The following KLC1 variants were observed in gnomAD, a reference collection of about 807,000 sequenced individuals.
The protein encoded by KLC1 is kinesin light chain 1, also known as kinesin 2 60/70kDa.
KLC1 carries 30 observed loss-of-function variants against 84.2 expected under a neutral mutation model. The observed-to-expected ratio is 0.36, with a 90% CI of 0.27 to 0.48. The LOEUF is 0.48. Ranked by LOEUF, KLC1 falls within the 20% of genes least tolerant of loss-of-function variation. KLC1 has a pLI of 0.99. For missense variants in KLC1, 499 were observed against 805.4 expected, an observed-to-expected ratio of 0.62 and a Z score of 4.60; for synonymous variants, 289 against 293.3, an observed-to-expected ratio of 0.99 and a Z score of 0.15.
chr14:103,693,757 G>T lies in KLC1; in HGVS notation c.1848+1332G>T, dbSNP rs2082256025. 7.0e-7 allele frequency: 1 copy of T among 1,432,864 alleles called. No individual in the cohort carries two copies. Among genetic ancestry groups the T allele is most frequent in the South Asian group, 1.5e-5 (1 of 68,368 alleles). 88.8% of individuals were successfully genotyped at this position (1,432,864 alleles called of 1,614,324 possible). A position where few individuals can be genotyped will look rare whatever the true frequency, so the allele number is the denominator to read the frequency against. ...ATAGTGACGTCCACCAACCTTGGAG[G>T]TGCCTTTTCAAAACACCCGGGAGGC... On this transcript the variant is annotated intron_variant, in intron 15 of 16. Coordinates refer to ENST00000334553, the MANE Select transcript of KLC1 (RefSeq NM_001394837.1). This position sits in a 1 kb window ranked among gnomAD's most constrained non-coding sequence, Gnocchi z 5.1.
intron 14 of KLC1, among the ~76,000 whole-genome samples, chr14:103,690,180 CAA>C (rs57400682): frequency 4.3e-5 from 5 of 115,116 alleles, no homozygotes; most frequent in Admixed American, 2.6e-4. Context: ...AACTTCGTCT[CAA>C]AAAAAAAAAA....
intron 3 of KLC1, 69 bp downstream of exon 3, chr14:103,657,845 C>A: frequency 8.9e-7 from 1 of 1,124,454 alleles, no homozygotes; most frequent in Non-Finnish European, 1.3e-6. Context: ...CATAGAGGTT[C>A]TGTTTGCCAT....
At chr14:103,677,021 G>A (rs1356877994) in intron 11 of KLC1, among the ~76,000 whole-genome samples, 1 of 152,200 alleles carries the variant, frequency 6.6e-6, no homozygotes, top group Non-Finnish European at 1.5e-5. Context: ...ACGGCAGCAC[G>A]TGAGCAGCAA....
At chr14:103,667,739 A>C (rs567483109) in intron 5 of KLC1, among the ~76,000 whole-genome samples, 125 of 152,378 alleles carry the variant, frequency 8.2e-4, no homozygotes, top group African/African-American at 2.9e-3. Flanking sequence ...ACAATATATT[A>C]ATACGTGGCC....
chr14:103,695,581 G>A (rs965839305), intron 15 of KLC1: 10 of 985,242 alleles, frequency 1.0e-5, no homozygotes, highest in Non-Finnish European at 1.2e-6. Context: ...AACCCAGACA[G>A]TTTCCCTTAG....
chr14:103,665,124 A>G (rs758326585), intron 5 of KLC1, among the ~76,000 whole-genome samples: 10 of 151,208 alleles, frequency 6.6e-5, no homozygotes, highest in South Asian at 2.1e-4. Context: ...TTGTTATTTC[A>G]TCATTCTTGT....
At chr14:103,685,705 T>G (rs1225897955) in intron 13 of KLC1, 28 of 1,289,384 alleles carry the variant, frequency 2.2e-5, no homozygotes, top group Non-Finnish European at 2.7e-5. Context: ...GCTTCCCTTC[T>G]CTCTCCAGTG....
intron 14 of KLC1, among the ~76,000 whole-genome samples, chr14:103,691,212 A>G (rs2082091953): frequency 7.0e-6 from 1 of 141,996 alleles, no homozygotes; most frequent in Non-Finnish European, 1.5e-5. Flanking sequence ...AGGCTGGACT[A>G]CAGTGGAGTG....
intron 1 of KLC1, among the ~76,000 whole-genome samples, chr14:103,650,095 G>A (rs1326680920): frequency 6.6e-6 from 1 of 151,886 alleles, no homozygotes; most frequent in Non-Finnish European, 1.5e-5. Context: ...GTAAATAATG[G>A]AACTTTAAAT....
chr14:103,642,750 GTAGTTTTT>G (rs1417668987), intron 1 of KLC1, among the ~76,000 whole-genome samples: 5 of 151,244 alleles, frequency 3.3e-5, no homozygotes, highest in African/African-American at 1.2e-4. Flanking sequence ...AATAAATAAT[GTAGTTTTT>G]TGGTTTTTTG....
chr14:103,681,503 A>G (rs940773456), intron 13 of KLC1, among the ~76,000 whole-genome samples: 1 of 150,994 alleles, frequency 6.6e-6, no homozygotes, highest in African/African-American at 2.4e-5. Flanking sequence ...TCTCTCGCCC[A>G]GGCTGGAGTG....
chr14:103,674,773 T>C (rs1041331287), intron 9 of KLC1, among the ~76,000 whole-genome samples: 1 of 152,186 alleles, frequency 6.6e-6, no homozygotes. Flanking sequence ...CTTAGACTAT[T>C]GTTTAATGTT....
At chr14:103,696,053 C>T in intron 15 of KLC1, 2 of 984,616 alleles carry the variant, frequency 2.0e-6, no homozygotes, top group Non-Finnish European at 2.4e-6. Flanking sequence ...CGAGAGTCAG[C>T]ACCTGTTTCT....
In KLC1 at chr14:103,701,337, A is replaced by G. The variant is rs2151924854; in HGVS notation, c.*138A>G. ...TCATTTCTCCTGCGTCTGTGTGCATAGGACATGATACTAATAACCACACGG... is the reference window on the plus strand; with the variant it reads ...TCATTTCTCCTGCGTCTGTGTGCATGGGACATGATACTAATAACCACACGG... On this transcript the variant is annotated 3_prime_UTR_variant, in exon 17 of 17. Transcript: ENST00000334553. The G allele has an allele frequency of 1.1e-6, 1 of 912,596 alleles. No individual in the cohort carries two copies. The highest frequency in any genetic ancestry group is 1.7e-6 in the Non-Finnish European group (1 of 603,420). The allele number at this position is 912,596 out of a possible 1,614,324, so 56.5% of individuals were successfully genotyped here. A position where few individuals can be genotyped will look rare whatever the true frequency, so the allele number is the denominator to read the frequency against.
At chr14:103,654,509 A>G in intron 1 of KLC1, 55 bp from the exon 2 acceptor site, 2 of 1,444,700 alleles carry the variant, frequency 1.4e-6, no homozygotes, top group Non-Finnish European at 1.9e-6. Context: ...ACTTGATGTA[A>G]CAGAAATGAA....
At chr14:103,674,290 A>G (rs1478394403) in intron 9 of KLC1, among the ~76,000 whole-genome samples, 1 of 152,162 alleles carries the variant, frequency 6.6e-6, no homozygotes, top group African/African-American at 2.4e-5. Flanking sequence ...AGTCATAAAA[A>G]TATTTTCATA....
chr14:103,675,016 A>C (rs1005089045), intron 9 of KLC1, among the ~76,000 whole-genome samples: 10 of 152,168 alleles, frequency 6.6e-5, no homozygotes, highest in African/African-American at 2.4e-4. Flanking sequence ...AAGAAGTAGT[A>C]TCTAACAAGG....
At chr14:103,679,239 C>G in intron 12 of KLC1, 145 bp from the exon 13 acceptor site, 1 of 1,102,670 alleles carries the variant, frequency 9.1e-7, no homozygotes, top group Non-Finnish European at 1.3e-6. Flanking sequence ...CCCTCACCCC[C>G]TCCAAGGAAC....
chr14:103,635,641 G>A (rs1441347045), intron 1 of KLC1, among the ~76,000 whole-genome samples: 1 of 151,898 alleles, frequency 6.6e-6, no homozygotes, highest in African/African-American at 2.4e-5. Context: ...GTAGTCCCGG[G>A]TATTTGGGAA....
Sources: gnomAD v4.1 joint callset for allele counts (sites outside exome capture counted in the v4.1 genomes callset) on GRCh38, gnomAD v4.1.1 for gene constraint, Gnocchi (gnomAD v3.1) non-coding constraint, MANE v1.5 for transcripts, NCBI Gene and HGNC (gene_info 2026-07-23, HGNC 2026-07-21) for gene names.